Variants in C13orf42 observed in about 807,000 individuals in gnomAD.
C13orf42 encodes uncharacterized protein C13orf42.
chr13:51,147,974 G>A (rs555575050), intron 1 of C13orf42, among the ~76,000 whole-genome samples: 10 of 152,240 alleles, frequency 6.6e-5, no homozygotes, highest in Non-Finnish European at 1.0e-4. Flanking sequence ...TATGTCTGAC[G>A]TTTGCCACTC....
At chr13:51,102,803 G>A (rs1485425803) in intron 1 of C13orf42, among the ~76,000 whole-genome samples, 1 of 152,148 alleles carries the variant, frequency 6.6e-6, no homozygotes, top group Non-Finnish European at 1.5e-5. Context: ...CACATGGCTG[G>A]GGAAGCCTCA....
chr13:51,157,065 T>C (rs1953829694), intron 1 of C13orf42, among the ~76,000 whole-genome samples: 1 of 152,210 alleles, frequency 6.6e-6, no homozygotes, highest in Non-Finnish European at 1.5e-5. Flanking sequence ...GCTCCAGTGT[T>C]ATATGTGCAG....
intron 1 of C13orf42, among the ~76,000 whole-genome samples, chr13:51,118,984 G>A (rs1953512476): frequency 6.6e-6 from 1 of 151,856 alleles, no homozygotes; most frequent in Admixed American, 6.5e-5. Flanking sequence ...ATGCCCTGGT[G>A]TACAGTGTGC....
chr13:51,101,938 T>C (rs977982031), intron 1 of C13orf42, among the ~76,000 whole-genome samples: 2 of 152,198 alleles, frequency 1.3e-5, no homozygotes, highest in Non-Finnish European at 2.9e-5. Flanking sequence ...GTATTGTTTC[T>C]AGGCAGAGCA....
At chr13:51,161,807 T>C in intron 1 of C13orf42, 1 of 352,312 alleles carries the variant, frequency 2.8e-6, no homozygotes, top group Non-Finnish European at 5.5e-6. Flanking sequence ...CAGGGAATCG[T>C]TAGGCACTGT....
At chr13:51,157,949 C>A (rs892187503) in intron 1 of C13orf42, among the ~76,000 whole-genome samples, 1 of 152,172 alleles carries the variant, frequency 6.6e-6, no homozygotes, top group African/African-American at 2.4e-5. Flanking sequence ...GAGTTTAGGA[C>A]AAGCTCAAGT....
chr13:51,166,299 G>A (rs2138052964), intron 1 of C13orf42, among the ~76,000 whole-genome samples: 1 of 151,706 alleles, frequency 6.6e-6, no homozygotes, highest in East Asian at 1.9e-4. Context: ...GTAGGGACAT[G>A]GATGAAATTG....
upstream of C13orf42, among the ~76,000 whole-genome samples, chr13:51,111,804 G>A (rs574762514): frequency 6.6e-5 from 10 of 152,214 alleles, no homozygotes; most frequent in South Asian, 1.5e-3. Context: ...ACACCAGGGC[G>A]TTGACAGGAG....
upstream of C13orf42, among the ~76,000 whole-genome samples, chr13:51,113,866 C>A (rs1953459827): frequency 1.3e-5 from 2 of 152,212 alleles, no homozygotes; most frequent in South Asian, 4.1e-4. Context: ...ATCCTCTCCC[C>A]CAGCCTAGCC....
chr13:51,087,649 T>C (rs1361823141), intron 2 of C13orf42, among the ~76,000 whole-genome samples: 1 of 152,222 alleles, frequency 6.6e-6, no homozygotes, highest in South Asian at 2.1e-4. Context: ...CCGTGGTAAG[T>C]GGACCACAGG....
At chr13:51,168,647 C>G (rs893388188) in intron 1 of C13orf42, among the ~76,000 whole-genome samples, 1 of 152,202 alleles carries the variant, frequency 6.6e-6, no homozygotes, top group Admixed American at 6.5e-5. Context: ...TGACATGAAG[C>G]CATCCTACCA....
intron 2 of C13orf42, among the ~76,000 whole-genome samples, chr13:51,086,641 T>C (rs1339074007): frequency 6.6e-6 from 1 of 152,226 alleles, no homozygotes; most frequent in African/African-American, 2.4e-5. Flanking sequence ...TTGGTATGTT[T>C]TTTGTTATCA....
intron 1 of C13orf42, among the ~76,000 whole-genome samples, chr13:51,108,469 C>T (rs1308481195): frequency 6.6e-6 from 1 of 152,186 alleles, no homozygotes; most frequent in Non-Finnish European, 1.5e-5. Flanking sequence ...TGGGCCACCC[C>T]ACCAGCCATG....
chr13:51,160,924 G>A (rs1024656001), intron 1 of C13orf42, among the ~76,000 whole-genome samples: 32 of 137,560 alleles, frequency 2.3e-4, no homozygotes. Flanking sequence ...TGCCAGCATA[G>A]TAAGAAAAAG....
At position 51,085,455 on chromosome 13, in the gene C13orf42, C is replaced by T. The variant is rs961668389; in HGVS notation, c.667G>A (p.Gly223Ser). ...TGCTCGGTGCTCCTTCGAAACTGGC[C>T]GTCTACAGTATGCACAGTGTGGGCA... is the stretch of plus-strand genomic sequence containing the variant. ...IAAHTVHTVD[G>S]QFRRSTEHRT... Residue 223 changes from glycine to serine, a missense_variant, in exon 3 of 4, where the codon GGC (glycine) becomes AGC (serine). Coordinates refer to ENST00000563710, the MANE Select transcript of C13orf42 (RefSeq NM_001351589.3). 5.0e-6 allele frequency: 2 copies of T among 398,574 alleles called. No individual in the cohort carries two copies. The highest frequency in any genetic ancestry group is 3.6e-5 in the East Asian group (1 of 28,066). 24.7% of individuals were successfully genotyped at this position (398,574 alleles called of 1,614,324 possible).
chr13:51,153,621 G>GTTTTTTTTTTTTTTTTTTTTTT (rs1202370498), intron 1 of C13orf42, among the ~76,000 whole-genome samples: 34 of 82,030 alleles, frequency 4.1e-4, no homozygotes, highest in Non-Finnish European at 7.3e-4. Flanking sequence ...CTTGCTTTCT[G>GTTTTTTTTTTTTTTTTTTTTTT]TTTTTTTTCT....
chr13:51,096,693 A>C lies in C13orf42; in HGVS notation c.415-8618T>G, dbSNP rs540129570. On this transcript the variant is annotated intron_variant, in intron 1 of 3. Coordinates refer to ENST00000563710, the MANE Select transcript of C13orf42 (RefSeq NM_001351589.3). ...TTGTCCTTGGACTGTATAAACCAAA[A>C]TTCTGTTTTAAAGTCTCTTGAAATA... Among the ~76,000 whole-genome samples the C allele has an allele frequency of 2.0e-5, 3 of 152,334 alleles. No individual in the cohort carries two copies. The South Asian group carries it at 6.2e-4, about 32-fold the overall frequency.
chr13:51,139,973 G>A (rs11616621), intron 1 of C13orf42, among the ~76,000 whole-genome samples: 12 of 152,122 alleles, frequency 7.9e-5, no homozygotes, highest in Non-Finnish European at 1.5e-4. Flanking sequence ...TCTGGATTGC[G>A]ACCCTTTTTT....
chr13:51,140,027 G>A (rs990726617), intron 1 of C13orf42, among the ~76,000 whole-genome samples: 3 of 152,094 alleles, frequency 2.0e-5, no homozygotes, highest in South Asian at 4.1e-4. Flanking sequence ...CCAAAATCAC[G>A]AAGGAAAACT....
Sources: gnomAD v4.1 joint callset for allele counts (sites outside exome capture counted in the v4.1 genomes callset) on GRCh38, gnomAD v4.1.1 for gene constraint, MANE v1.5 for transcripts, NCBI Gene and HGNC (gene_info 2026-07-23, HGNC 2026-07-21) for gene names.